NAV3: variants seen among roughly 807,000 people sequenced by gnomAD.
NAV3 encodes the protein neuron navigator 3.
NAV3 carries 87 observed loss-of-function variants against 244.7 expected under a neutral mutation model. That is an observed-to-expected ratio of 0.36 (90% confidence interval 0.30 to 0.42). The LOEUF is 0.42. NAV3 is among the 20% of genes least tolerant of loss of function. The probability of loss-of-function intolerance (pLI) is 1.00; values close to 1 mark genes in which losing one functional copy is unlikely to be tolerated. For missense variants in NAV3, 2,663 were observed against 2,893.3 expected (o/e 0.92, Z 1.83); for synonymous variants, 1,126 against 1,042.2 (o/e 1.08, Z -1.55).
In NAV3 at chr12:77,796,671, A is replaced by G. The variant is rs567240543; in HGVS notation, c.73-143648A>G. ...AATCAATGCAGCAAACTTTATTGGTATCTTATATTAAGAGATTACCACAGC... is the reference window on the plus strand; with the variant it reads ...AATCAATGCAGCAAACTTTATTGGTGTCTTATATTAAGAGATTACCACAGC... On this transcript the variant is annotated intron_variant, in intron 2 of 8. Transcript: ENST00000550042. 3.9e-3 allele frequency among the ~76,000 whole-genome samples: 593 copies of G among 152,304 alleles called. 2 individuals are homozygous for G. Among genetic ancestry groups the G allele is most frequent in the African/African-American group, 0.014 (562 of 41,556 alleles).
rs1367960430 is a variant in NAV3, at chr12:78,118,133, G to A, written c.2876G>A (p.Gly959Asp). The change falls in exon 14 of 40, where the codon GGC becomes GAC. Residue 959 changes from glycine to aspartate, a missense_variant. Physicochemically the swap from Gly to Asp is moderately conservative, Grantham distance 94. Coordinates refer to ENST00000397909, the MANE Select transcript of NAV3 (RefSeq NM_001024383.2). ...EDFDSHGDAG[G>D]KWKTVSSGLP... ...TTTGACAGCCATGGGGATGCTGGTGGCAAGTGGAAGACTGTGTCCTCTGGA... is the reference window on the plus strand; with the variant it reads ...TTTGACAGCCATGGGGATGCTGGTGACAAGTGGAAGACTGTGTCCTCTGGA... 6.2e-7 allele frequency: 1 copy of A among 1,613,930 alleles called. No homozygotes were observed. Among genetic ancestry groups the A allele is most frequent in the African/African-American group, 1.3e-5 (1 of 74,894 alleles).
intron 2 of NAV3, among the ~76,000 whole-genome samples, chr12:77,816,420 T>C (rs1362907741): frequency 6.6e-6 from 1 of 152,230 alleles, no homozygotes; most frequent in Non-Finnish European, 1.5e-5. Flanking sequence ...TAGTGTCAGA[T>C]AGTCTCTGAG....
At chr12:78,092,113 T>C (rs150941842) in intron 12 of NAV3, among the ~76,000 whole-genome samples, 10 of 152,320 alleles carry the variant, frequency 6.6e-5, no homozygotes, top group African/African-American at 1.2e-4. Context: ...TCATATAACC[T>C]AGAATTTTGC....
chr12:78,104,579 G>A lies in NAV3; in HGVS notation c.2637-12193G>A, dbSNP rs533445144. 2.6e-5 allele frequency among the ~76,000 whole-genome samples: 4 copies of A among 152,146 alleles called. No homozygotes were observed. In the East Asian group the frequency reaches 5.8e-4, roughly 22 times the overall value. On this transcript the variant is annotated intron_variant, in intron 12 of 39. Transcript: ENST00000397909. ...ACGTTAAAAATCTAAAAACTAAAAG[G>A]CATGCCTCAACAATTATTTTCTTCT...
chr12:77,995,118 T>C (rs1463515421), intron 6 of NAV3, among the ~76,000 whole-genome samples: 8 of 152,100 alleles, frequency 5.3e-5, no homozygotes, highest in African/African-American at 1.7e-4. Context: ...TAAGTCTAGG[T>C]TCTAGGTTTA....
intron 11 of NAV3, among the ~76,000 whole-genome samples, chr12:78,051,973 G>T (rs1366486035): frequency 6.6e-6 from 1 of 152,132 alleles, no homozygotes; most frequent in Non-Finnish European, 1.5e-5. Context: ...GCCCCGGCTG[G>T]GAACTAACGC....
chr12:77,648,760 T>C (rs766008000), intron 2 of NAV3, among the ~76,000 whole-genome samples: 3 of 152,144 alleles, frequency 2.0e-5, no homozygotes, highest in Non-Finnish European at 4.4e-5. Flanking sequence ...TTTTTAATGG[T>C]AATTTCTATG....
chr12:78,178,381 G>A (rs1004624248), intron 28 of NAV3, among the ~76,000 whole-genome samples: 3 of 151,636 alleles, frequency 2.0e-5, no homozygotes, highest in African/African-American at 4.8e-5. Flanking sequence ...GGCTGGTCTC[G>A]AACTCCTGAC....
rs35468147 is a variant in NAV3 at position 78,165,160 on chromosome 12, G to A, written c.4870-3595G>A. ...CTAGAACTTTACAAGCTCAGCTGGT[G>A]TTGGGGGCATCATTATCTTGAATAG... is the stretch of plus-strand genomic sequence containing the variant. On this transcript the variant is annotated intron_variant, in intron 23 of 39. Coordinates refer to ENST00000397909, the MANE Select transcript of NAV3 (RefSeq NM_001024383.2). 3.9e-4 allele frequency among the ~76,000 whole-genome samples: 60 copies of A among 152,170 alleles called. No homozygotes were observed. The Middle Eastern group carries it at 0.01, about 26-fold the overall frequency.
At chr12:77,768,463 G>A (rs1026996290) in intron 2 of NAV3, among the ~76,000 whole-genome samples, 3 of 152,192 alleles carry the variant, frequency 2.0e-5, no homozygotes, top group African/African-American at 4.8e-5. Context: ...TCCCTTCTGT[G>A]CTTAGCATCA....
chr12:78,128,977 A>G, intron 18 of NAV3, 111 bp downstream of exon 18: 2 of 990,320 alleles, frequency 2.0e-6, no homozygotes, highest in Non-Finnish European at 3.0e-6. Context: ...GGGAGGGATA[A>G]AAGCACTTTA....
intron 6 of NAV3, among the ~76,000 whole-genome samples, chr12:77,996,424 A>C (rs1032021518): frequency 6.6e-6 from 1 of 152,226 alleles, no homozygotes; most frequent in Non-Finnish European, 1.5e-5. Context: ...ACTTTGTATG[A>C]CACAATGTCC....
chr12:77,793,357 T>A (rs1871268132), intron 2 of NAV3, among the ~76,000 whole-genome samples: 1 of 152,176 alleles, frequency 6.6e-6, no homozygotes, highest in African/African-American at 2.4e-5. Context: ...CTTGCAGGTT[T>A]GTTACATAGG....
At chr12:77,675,793 T>A (rs1035436062) in intron 2 of NAV3, among the ~76,000 whole-genome samples, 3 of 152,156 alleles carry the variant, frequency 2.0e-5, no homozygotes, top group Non-Finnish European at 2.9e-5. Context: ...TCTGAGGTCC[T>A]GGGAGGGCCT....
At chr12:78,151,049 G>T (rs374015653) in intron 22 of NAV3, among the ~76,000 whole-genome samples, 11 of 147,436 alleles carry the variant, frequency 7.5e-5, no homozygotes, top group Non-Finnish European at 1.0e-4. Flanking sequence ...TGTTTCCCTA[G>T]GGGAACAATC....
At chr12:78,097,455 G>A (rs770221273) in intron 12 of NAV3, among the ~76,000 whole-genome samples, 1 of 152,098 alleles carries the variant, frequency 6.6e-6, no homozygotes, top group Non-Finnish European at 1.5e-5. Context: ...GAATCTCTTG[G>A]CAAACATCTC....
At chr12:77,607,176 A>G (rs549673476) in intron 2 of NAV3, among the ~76,000 whole-genome samples, 18 of 152,224 alleles carry the variant, frequency 1.2e-4, no homozygotes, top group Non-Finnish European at 2.5e-4. Flanking sequence ...TTTATGTAAG[A>G]ATTTTCAAAT....
intron 34 of NAV3, among the ~76,000 whole-genome samples, chr12:78,194,587 A>G (rs1177085539): frequency 1.3e-5 from 2 of 152,016 alleles, no homozygotes; most frequent in Admixed American, 1.3e-4. Flanking sequence ...TCCTTTCAAT[A>G]TGCTCACCAC....
Position 78,061,264 on chromosome 12 carries a change from T to C in NAV3, c.2636+2149T>C, listed in dbSNP as rs1458612324. Among the ~76,000 whole-genome samples the C allele has an allele frequency of 2.6e-5, 4 of 152,318 alleles. No individual in the cohort carries two copies. The East Asian group carries it at 7.7e-4, about 29-fold the overall frequency. On this transcript the variant is annotated intron_variant, in intron 12 of 39. Transcript: ENST00000397909. The stretch of plus-strand genomic sequence containing the variant: ...AATAGATGCCAGGCCTATAAATACA[T>C]GTAACGCCTAGCATAAATATTTCAA...
Sources: gnomAD v4.1 joint callset for allele counts (sites outside exome capture counted in the v4.1 genomes callset) on GRCh38, gnomAD v4.1.1 for gene constraint, MANE v1.5 for transcripts, NCBI Gene and HGNC (gene_info 2026-07-23, HGNC 2026-07-21) for gene names.